Variants in CAST observed in about 807,000 individuals in gnomAD.
CAST encodes the protein MIR583 host.
Under a neutral mutation model 119.6 loss-of-function variants are expected in CAST, and 76 were observed. That is an observed-to-expected ratio of 0.64 (90% CI 0.53 to 0.77). The LOEUF (loss-of-function observed/expected upper bound fraction) is 0.77. CAST is among the 30% of genes least tolerant of loss of function. CAST has a pLI of 0.00. For synonymous variants in CAST, 319 were observed against 331.6 expected (o/e 0.96, Z 0.41); for missense variants, 953 against 946.5 (o/e 1.01, Z -0.09).
At chr5:96,741,183 A>C (rs1762587896) in intron 13 of CAST, 83 bp from the exon 14 acceptor site, 3 of 765,956 alleles carry the variant, frequency 3.9e-6, no homozygotes, top group South Asian at 3.0e-5. Flanking sequence ...GGAAAAGTGC[A>C]TTCTTCATTT....
intron 1 of CAST, among the ~76,000 whole-genome samples, chr5:96,621,964 T>C (rs1747616766): frequency 7.4e-6 from 1 of 134,912 alleles, no homozygotes; most frequent in African/African-American, 2.8e-5. Flanking sequence ...TTTTTCTTTT[T>C]TTCTCTTTTT....
At chr5:96,465,907 A>G in the CAST span, among the ~76,000 whole-genome samples, 3 of 152,004 alleles carry the variant, frequency 2.0e-5, no homozygotes, top group African/African-American at 4.8e-5. Context: ...ATCTATTTCT[A>G]TATCTATTCA....
the CAST span, among the ~76,000 whole-genome samples, chr5:96,099,624 C>T: frequency 3.4e-3 from 523 of 152,202 alleles, 3 homozygotes; most frequent in African/African-American, 0.011. Flanking sequence ...TGATGAATCA[C>T]GTTTATTGAT....
chr5:95,993,257 C>T, the CAST span, among the ~76,000 whole-genome samples: 2 of 152,148 alleles, frequency 1.3e-5, no homozygotes, highest in African/African-American at 4.8e-5. Context: ...TTAGACCCTA[C>T]ACAGAAATTA....
the CAST span, among the ~76,000 whole-genome samples, chr5:96,358,289 A>T: frequency 6.6e-6 from 1 of 151,918 alleles, no homozygotes; most frequent in African/African-American, 2.4e-5. Context: ...CAGTTCCTGG[A>T]TTCATTGATT....
chr5:96,589,397 T>A (rs939900094), intron 1 of CAST, among the ~76,000 whole-genome samples: 2 of 152,222 alleles, frequency 1.3e-5, no homozygotes, highest in African/African-American at 4.8e-5. Context: ...TTTTCTTCTT[T>A]AAAAACTGGT....
the CAST span, among the ~76,000 whole-genome samples, chr5:96,004,947 CA>C: frequency 1.3e-5 from 2 of 152,120 alleles, no homozygotes. Context: ...GATCAGGTTA[CA>C]TACTGTAGGT....
At chr5:96,455,366 AG>A in the CAST span, among the ~76,000 whole-genome samples, 1 of 152,252 alleles carries the variant, frequency 6.6e-6, no homozygotes, top group Non-Finnish European at 1.5e-5. Flanking sequence ...ATAAATAAGC[AG>A]AGTGACCAAC....
Position 96,757,589 on chromosome 5 carries a change from A to G in CAST, c.1768A>G (p.Ser590Gly). The change falls in exon 24 of 32, where the codon AGT becomes GGT. Residue 590 changes from serine (S) to glycine (G), a missense_variant. Physicochemically the swap from Ser to Gly is moderately conservative, Grantham distance 56. Coordinates refer to ENST00000675179, the MANE Select transcript of CAST (RefSeq NM_001750.7). ...CATTTCCTGGTTCTTGCAGCCCATG[A>G]GTGAAGACTTCCTTCTGGATGCTTT... is the stretch of plus-strand genomic sequence containing the variant. ...KESKEQLPPM[S>G]EDFLLDALSE... 1.9e-6 allele frequency: 3 copies of G among 1,613,616 alleles called. No individual in the cohort carries two copies. The highest frequency in any genetic ancestry group is 1.7e-6 in the Non-Finnish European group (2 of 1,179,744).
At chr5:96,496,949 T>A in the CAST span, among the ~76,000 whole-genome samples, 93 of 152,088 alleles carry the variant, frequency 6.1e-4, 1 homozygote, top group South Asian at 2.7e-3. Flanking sequence ...CATGTTGGTG[T>A]ACTGCACCCA....
At chr5:96,662,322 T>TCCCAAC, upstream of CAST, 1 of 567,042 alleles carries the variant, frequency 1.8e-6, no homozygotes, top group Non-Finnish European at 2.5e-6. Flanking sequence ...GGCCCTCCGC[T>TCCCAAC]CCCTCCCTCC....
chr5:96,327,922 G>A, the CAST span, among the ~76,000 whole-genome samples: 1 of 152,174 alleles, frequency 6.6e-6, no homozygotes, highest in African/African-American at 2.4e-5. Flanking sequence ...AATTTGTAAA[G>A]TGCTGTACAA....
chr5:96,622,783 A>G (rs1357145264), intron 1 of CAST, among the ~76,000 whole-genome samples: 1 of 148,064 alleles, frequency 6.8e-6, no homozygotes, highest in African/African-American at 2.5e-5. Context: ...TTAAGATTCT[A>G]TTTACAGTTT....
rs986068529 is a variant in CAST, at chr5:96,752,963, C to T, written c.1525-1097C>T. On this transcript the variant is annotated intron_variant, in intron 20 of 31. Coordinates refer to ENST00000675179, the MANE Select transcript of CAST (RefSeq NM_001750.7). Reference sequence around the variant, plus strand: ...CCTTCTATGTATGATGCATTTTATACACACACACACACACACACACACACA... The same window carrying T: ...CCTTCTATGTATGATGCATTTTATATACACACACACACACACACACACACA... 1.9e-4 allele frequency among the ~76,000 whole-genome samples: 23 copies of T among 119,150 alleles called. 1 individual carries two copies. Among genetic ancestry groups the T allele is most frequent in the East Asian group, 1.3e-3 (4 of 3,098 alleles). 78.2% of individuals were successfully genotyped at this position (119,150 alleles called of 152,430 possible).
At chr5:96,705,693 CTAA>C (rs1314647368) in intron 3 of CAST, among the ~76,000 whole-genome samples, 3 of 151,792 alleles carry the variant, frequency 2.0e-5, no homozygotes, top group Non-Finnish European at 4.4e-5. Context: ...ATTAATAGTT[CTAA>C]TAATAGTTCT....
At chr5:96,337,665 G>A in the CAST span, among the ~76,000 whole-genome samples, 6,757 of 152,234 alleles carry the variant, frequency 0.044, 215 homozygotes, top group Non-Finnish European at 0.068. Context: ...TCACTTCTGT[G>A]GAGTTCAATG....
chr5:96,746,909 T>C (rs1239024944), intron 17 of CAST, among the ~76,000 whole-genome samples: 1 of 152,174 alleles, frequency 6.6e-6, no homozygotes, highest in Admixed American at 6.5e-5. Context: ...AAATCATGCA[T>C]ATAAACACAT....
chr5:96,368,361 A>T, the CAST span, among the ~76,000 whole-genome samples: 1 of 151,864 alleles, frequency 6.6e-6, no homozygotes, highest in Non-Finnish European at 1.5e-5. Flanking sequence ...TTAGCCGGGC[A>T]TGGTGACACA....
At chr5:96,503,499 A>C in the CAST span, among the ~76,000 whole-genome samples, 1 of 152,202 alleles carries the variant, frequency 6.6e-6, no homozygotes, top group Non-Finnish European at 1.5e-5. Flanking sequence ...AGGGGGAAAG[A>C]AAGCTCTTAC....
Sources: allele counts gnomAD v4.1 joint callset (sites outside exome capture counted in the v4.1 genomes callset), GRCh38; gene constraint gnomAD v4.1.1; transcripts MANE v1.5; gene names NCBI Gene and HGNC (gene_info 2026-07-23, HGNC 2026-07-21).